Variants in UBE2E2 observed in about 807,000 individuals in gnomAD.
UBE2E2 encodes ubiquitin-conjugating enzyme E2 E2.
UBE2E2 carries 6 observed loss-of-function variants against 24.7 expected under a neutral mutation model. The observed-to-expected ratio is 0.24, with a 90% CI of 0.13 to 0.48. The LOEUF (loss-of-function observed/expected upper bound fraction) is 0.48, where lower values mean the gene tolerates loss of function less well. Ranked by LOEUF, UBE2E2 falls within the 20% of genes least tolerant of loss-of-function variation. The probability of loss-of-function intolerance (pLI) is 0.99; values close to 1 mark genes in which losing one functional copy is unlikely to be tolerated. For synonymous variants in UBE2E2, 104 were observed against 83.6 expected (o/e 1.24, Z -1.33); for missense variants, 169 against 245.0 (o/e 0.69, Z 2.07).
chr3:23,260,187 A>G (rs527534383), intron 3 of UBE2E2, among the ~76,000 whole-genome samples: 1 of 152,244 alleles, frequency 6.6e-6, no homozygotes, highest in Non-Finnish European at 1.5e-5. Flanking sequence ...ATGACACATT[A>G]TAAATAAGCC....
rs1312739490 is a variant in UBE2E2 at position 23,271,220 on chromosome 3, T to C, written c.227+53908T>C. 1.2e-4 allele frequency: 46 copies of C among 379,808 alleles called. No homozygotes were observed. The Admixed American group carries it at 1.6e-3, about 13-fold the overall frequency. The allele number at this position is 379,808 out of a possible 1,614,324, so 23.5% of individuals were successfully genotyped here. A position where few individuals can be genotyped will look rare whatever the true frequency, so the allele number is the denominator to read the frequency against. The stretch of plus-strand genomic sequence containing the variant: ...ACTTCAAGAATGAAGCCACGGACCC[T>C]CGCGGTGAGTGTTACAGTTCTTAAA... On this transcript the variant is annotated intron_variant, in intron 3 of 5. Coordinates refer to ENST00000396703, the MANE Select transcript of UBE2E2 (RefSeq NM_152653.4).
intron 1 of UBE2E2, among the ~76,000 whole-genome samples, chr3:23,207,919 AATT>A (rs1696195051): frequency 6.6e-6 from 1 of 152,148 alleles, no homozygotes; most frequent in Non-Finnish European, 1.5e-5. Context: ...GCAAGATTAT[AATT>A]ATCTAATTTA....
At position 23,506,004 on chromosome 3, in the gene UBE2E2, C is replaced by T. The variant is rs905712416; in HGVS notation, c.360+6264C>T. Among the ~76,000 whole-genome samples the T allele has an allele frequency of 2.6e-5, 4 of 152,230 alleles. No homozygotes were observed. The South Asian group carries it at 6.2e-4, about 24-fold the overall frequency. ...TCAACAATGAGTTCCACAACTGCACCCTTACTCTAGATTATTATTATGTAC... is the reference window on the plus strand; with the variant it reads ...TCAACAATGAGTTCCACAACTGCACTCTTACTCTAGATTATTATTATGTAC... On this transcript the variant is annotated intron_variant, in intron 4 of 5. Coordinates refer to ENST00000396703, the MANE Select transcript of UBE2E2 (RefSeq NM_152653.4).
chr3:23,576,112 T>C (rs887301014), intron 5 of UBE2E2, among the ~76,000 whole-genome samples: 9 of 152,340 alleles, frequency 5.9e-5, no homozygotes, highest in African/African-American at 2.2e-4. Flanking sequence ...TTTTTTACTT[T>C]ATACATACTT....
chr3:23,312,524 C>T (rs973053382), intron 3 of UBE2E2, among the ~76,000 whole-genome samples: 11 of 152,028 alleles, frequency 7.2e-5, no homozygotes, highest in African/African-American at 2.7e-4. Context: ...CAATCATCCC[C>T]CTACCCTTCC....
At chr3:23,352,821 A>G (rs1350554093) in intron 3 of UBE2E2, among the ~76,000 whole-genome samples, 2 of 152,224 alleles carry the variant, frequency 1.3e-5, no homozygotes, top group Admixed American at 6.5e-5. Flanking sequence ...AGGAACTGGT[A>G]CGATTCTTTC....
At chr3:23,339,066 G>A (rs1428488599) in intron 3 of UBE2E2, among the ~76,000 whole-genome samples, 1 of 152,132 alleles carries the variant, frequency 6.6e-6, no homozygotes, top group East Asian at 1.9e-4. Flanking sequence ...AATCAAAGTA[G>A]ACATACTAAT....
intron 4 of UBE2E2, among the ~76,000 whole-genome samples, chr3:23,528,450 G>C (rs981551582): frequency 2.0e-5 from 3 of 152,218 alleles, no homozygotes; most frequent in African/African-American, 7.2e-5. Flanking sequence ...GCTGCTGAAA[G>C]AGAGTGAGCC....
At chr3:23,268,412 A>G (rs1046348586) in intron 3 of UBE2E2, among the ~76,000 whole-genome samples, 1 of 152,156 alleles carries the variant, frequency 6.6e-6, no homozygotes, top group African/African-American at 2.4e-5. Context: ...TACACCAGTA[A>G]CAGACAAACA....
intron 3 of UBE2E2, among the ~76,000 whole-genome samples, chr3:23,281,025 C>T (rs566121781): frequency 5.9e-5 from 9 of 152,284 alleles, no homozygotes; most frequent in African/African-American, 2.2e-4. Flanking sequence ...AAAGAAAGAC[C>T]TTGTGTCTCT....
rs546952361 is a variant in UBE2E2 at position 23,271,205 on chromosome 3, T to A, written c.227+53893T>A. 3 of 391,812 alleles carry A rather than the reference T, an allele frequency of 7.7e-6. No individual in the cohort carries two copies. In the East Asian group the frequency reaches 2.1e-4, roughly 28 times the overall value. 24.3% of individuals were successfully genotyped at this position (391,812 alleles called of 1,614,324 possible). A position where few individuals can be genotyped will look rare whatever the true frequency, so the allele number is the denominator to read the frequency against. ...TTCTTGGTCTCGCTGACTTCAAGAA[T>A]GAAGCCACGGACCCTCGCGGTGAGT... On this transcript the variant is annotated intron_variant, in intron 3 of 5. Coordinates refer to ENST00000396703, the MANE Select transcript of UBE2E2 (RefSeq NM_152653.4).
At chr3:23,488,277 TA>T (rs1162975202) in intron 3 of UBE2E2, among the ~76,000 whole-genome samples, 1 of 151,902 alleles carries the variant, frequency 6.6e-6, no homozygotes, top group Non-Finnish European at 1.5e-5. Flanking sequence ...TACATAGGTA[TA>T]CCAGTGCCAT....
rs79309670 is a variant in UBE2E2, at chr3:23,452,982, A to G, written c.228-46626A>G. 6.6e-3 allele frequency among the ~76,000 whole-genome samples: 999 copies of G among 152,274 alleles called. 7 individuals are homozygous for G. Among genetic ancestry groups the G allele is most frequent in the African/African-American group, 0.023 (939 of 41,546 alleles). On this transcript the variant is annotated intron_variant, in intron 3 of 5. Coordinates refer to ENST00000396703, the MANE Select transcript of UBE2E2 (RefSeq NM_152653.4). The stretch of plus-strand genomic sequence containing the variant: ...GGTATTTCATCCTGTTTTTCCCATA[A>G]GTGCACTAATACTGCTTAGACTCTA...
rs1032504910 is a variant in UBE2E2, at chr3:23,280,613, C to T, written c.227+63301C>T. On this transcript the variant is annotated intron_variant, in intron 3 of 5. Transcript: ENST00000396703. This position sits in a 1 kb window ranked among gnomAD's most constrained non-coding sequence, Gnocchi z 4.3. The stretch of plus-strand genomic sequence containing the variant: ...ACCCTGATGACCCAGTTGTCTTACT[C>T]ACTCAGAAATGGTGCCTTCTTTTGG... Among the ~76,000 whole-genome samples, 1 of 152,220 alleles carries T rather than the reference C, an allele frequency of 6.6e-6. No individual in the cohort carries two copies. Among genetic ancestry groups the T allele is most frequent in the Non-Finnish European group, 1.5e-5 (1 of 68,042 alleles).
chr3:23,519,444 G>A (rs1694811751), intron 4 of UBE2E2, among the ~76,000 whole-genome samples: 1 of 151,986 alleles, frequency 6.6e-6, no homozygotes, highest in South Asian at 2.1e-4. Flanking sequence ...TACTTTCAGT[G>A]TACAGTATTA....
intron 3 of UBE2E2, among the ~76,000 whole-genome samples, chr3:23,309,316 A>C (rs1296749223): frequency 6.6e-6 from 1 of 152,204 alleles, no homozygotes; most frequent in East Asian, 1.9e-4. Flanking sequence ...GTTTACACCT[A>C]ATATTAACCA....
chr3:23,504,040 A>G (rs1478416356), intron 4 of UBE2E2, among the ~76,000 whole-genome samples: 5 of 152,168 alleles, frequency 3.3e-5, no homozygotes, highest in African/African-American at 1.2e-4. Flanking sequence ...CCCCAAACTG[A>G]TTATTCATGC....
At chr3:23,238,730 T>TA (rs1230486417) in intron 3 of UBE2E2, among the ~76,000 whole-genome samples, 2 of 152,200 alleles carry the variant, frequency 1.3e-5, no homozygotes, top group Non-Finnish European at 2.9e-5. Flanking sequence ...TTATGTTTCT[T>TA]ACACACCTTA....
intron 5 of UBE2E2, among the ~76,000 whole-genome samples, chr3:23,538,211 G>A (rs767896048): frequency 3.3e-5 from 5 of 152,036 alleles, no homozygotes; most frequent in Non-Finnish European, 5.9e-5. Context: ...AAAATATTAA[G>A]TAGAAATACG....
Sources: gnomAD v4.1 joint callset for allele counts (sites outside exome capture counted in the v4.1 genomes callset) on GRCh38, gnomAD v4.1.1 for gene constraint, Gnocchi (gnomAD v3.1) non-coding constraint, MANE v1.5 for transcripts, NCBI Gene and HGNC (gene_info 2026-07-23, HGNC 2026-07-21) for gene names.